Variants in PVT1 observed in about 807,000 individuals in gnomAD.
PVT1 encodes CXCR4/PVT1 fusion.
intron 4 of PVT1, among the ~76,000 whole-genome samples, chr8:128,047,675 A>G (rs1035693930): frequency 3.9e-5 from 6 of 152,210 alleles, no homozygotes; most frequent in Non-Finnish European, 7.3e-5. Flanking sequence ...ACACAGAAAA[A>G]CGAGACTCAG....
chr8:127,951,753 G>A (rs961988319), intron 3 of PVT1, among the ~76,000 whole-genome samples: 6 of 151,994 alleles, frequency 3.9e-5, no homozygotes, highest in African/African-American at 1.4e-4. Context: ...TAAGCCCAGG[G>A]TTGATCCCAA....
At chr8:128,042,669 C>G (rs1413938364) in intron 4 of PVT1, among the ~76,000 whole-genome samples, 1 of 152,192 alleles carries the variant, frequency 6.6e-6, no homozygotes, top group East Asian at 1.9e-4. Flanking sequence ...CCCTGGCTTG[C>G]TGTGTGAGCC....
In PVT1 at chr8:127,796,362, G is replaced by T. The variant is rs143465111; in HGVS notation, n.372+291G>T. On this transcript the variant is annotated intron_variant and non_coding_transcript_variant, in intron 2 of 10. Transcript: ENST00000651587. ...GGAGCTTTTCTGCACTGGAAAGGAG[G>T]AGTTCTCCCCTCTGTTCTGACATAT... is the stretch of plus-strand genomic sequence containing the variant. Among the ~76,000 whole-genome samples the T allele has an allele frequency of 4.2e-3, 640 of 152,238 alleles. 4 individuals carry two copies. The highest frequency in any genetic ancestry group is 0.015 in the African/African-American group (614 of 41,540).
At position 127,981,076 on chromosome 8, in the gene PVT1, G is replaced by A. The variant is rs989720068; in HGVS notation, n.783-8086G>A. ...CTCTCAAAGTGCTGGGATTATAGAC[G>A]TGAGCTACCGCGCCCAGGCTTAGAG... On this transcript the variant is annotated intron_variant and non_coding_transcript_variant, in intron 3 of 10. Coordinates refer to ENST00000651587, the Ensembl canonical transcript of PVT1. 3.9e-5 allele frequency among the ~76,000 whole-genome samples: 6 copies of A among 152,124 alleles called. No homozygotes were observed. In the South Asian group the frequency reaches 6.2e-4, roughly 16 times the overall value.
chr8:128,003,858 A>G (rs917486172), intron 4 of PVT1, among the ~76,000 whole-genome samples: 1 of 152,248 alleles, frequency 6.6e-6, no homozygotes, highest in African/African-American at 2.4e-5. Context: ...TGCTATAACA[A>G]AATATCATAG....
intron 2 of PVT1, among the ~76,000 whole-genome samples, chr8:127,877,913 C>A (rs59949357): frequency 2.6e-5 from 4 of 152,086 alleles, no homozygotes; most frequent in Non-Finnish European, 5.9e-5. Context: ...GTGACAGAAC[C>A]GGACTCTGTC....
At chr8:127,836,600 G>A (rs1007836683) in intron 2 of PVT1, among the ~76,000 whole-genome samples, 6 of 152,146 alleles carry the variant, frequency 3.9e-5, no homozygotes, top group Non-Finnish European at 8.8e-5. Context: ...CAGATCCAGA[G>A]GCTGGAGGTA....
At chr8:128,032,947 C>T (rs1030726723) in intron 4 of PVT1, among the ~76,000 whole-genome samples, 3 of 152,100 alleles carry the variant, frequency 2.0e-5, no homozygotes, top group African/African-American at 4.8e-5. Context: ...CACTGAGTGT[C>T]GGAGTGGGAA....
At chr8:127,924,801 G>A (rs773486988) in intron 3 of PVT1, among the ~76,000 whole-genome samples, 15 of 152,084 alleles carry the variant, frequency 9.9e-5, no homozygotes, top group African/African-American at 1.9e-4. Context: ...GTGAACCACC[G>A]CACCAGACCC....
At chr8:127,828,741 C>G (rs571307393) in intron 2 of PVT1, among the ~76,000 whole-genome samples, 24 of 152,192 alleles carry the variant, frequency 1.6e-4, no homozygotes, top group Admixed American at 1.1e-3. Context: ...TCCGCCCCCC[C>G]AGACTCATCC....
intron 2 of PVT1, among the ~76,000 whole-genome samples, chr8:127,838,305 G>C (rs891984673): frequency 6.6e-6 from 1 of 152,162 alleles, no homozygotes; most frequent in African/African-American, 2.4e-5. Context: ...TGTCTTGCAA[G>C]GCTATGGACA....
chr8:127,811,001 C>T (rs1216155745), intron 2 of PVT1, among the ~76,000 whole-genome samples: 2 of 152,248 alleles, frequency 1.3e-5, no homozygotes, highest in South Asian at 2.1e-4. Context: ...CCAAACTTAG[C>T]TGTTTAGGAG....
chr8:128,026,707 G>A (rs187367249), intron 4 of PVT1, among the ~76,000 whole-genome samples: 3 of 152,292 alleles, frequency 2.0e-5, no homozygotes, highest in African/African-American at 4.8e-5. Flanking sequence ...GATCCTGTTC[G>A]AGAGGCCAGA....
At chr8:127,879,454 A>C (rs901213010) in intron 2 of PVT1, among the ~76,000 whole-genome samples, 7 of 152,190 alleles carry the variant, frequency 4.6e-5, no homozygotes, top group African/African-American at 1.7e-4. Flanking sequence ...ACTTGAACCC[A>C]GGAGGTGGAG....
At chr8:127,855,973 C>T (rs535288850) in intron 2 of PVT1, among the ~76,000 whole-genome samples, 6 of 152,308 alleles carry the variant, frequency 3.9e-5, no homozygotes, top group East Asian at 3.9e-4. Flanking sequence ...GGCCACCTGA[C>T]GTTGCCATTT....
intron 3 of PVT1, among the ~76,000 whole-genome samples, chr8:127,951,805 A>G (rs1816508479): frequency 6.7e-6 from 1 of 149,538 alleles, no homozygotes; most frequent in Admixed American, 6.8e-5. Flanking sequence ...TTACAAAAAC[A>G]AAAACAGAAT....
intron 3 of PVT1, among the ~76,000 whole-genome samples, chr8:127,989,010 A>G (rs779529396): frequency 9.9e-5 from 15 of 152,214 alleles, no homozygotes; most frequent in Non-Finnish European, 2.1e-4. Context: ...CCACATAAGC[A>G]TTGCTCATTA....
chr8:127,839,040 C>A (rs1038270769), intron 2 of PVT1, among the ~76,000 whole-genome samples: 1 of 151,956 alleles, frequency 6.6e-6, no homozygotes, highest in African/African-American at 2.4e-5. Context: ...GTAGGCTGTA[C>A]CATATAGTCC....
intron 2 of PVT1, among the ~76,000 whole-genome samples, chr8:127,821,858 A>G (rs960813212): frequency 3.9e-5 from 6 of 152,110 alleles, no homozygotes; most frequent in Non-Finnish European, 7.4e-5. Context: ...AGTTTGCATT[A>G]TATTTCCACT....
Sources: allele counts gnomAD v4.1 joint callset (sites outside exome capture counted in the v4.1 genomes callset), GRCh38; gene constraint gnomAD v4.1.1; transcripts MANE v1.5; gene names NCBI Gene and HGNC (gene_info 2026-07-23, HGNC 2026-07-21).